FAF1: variants seen among roughly 807,000 people sequenced by gnomAD.
The protein encoded by FAF1 is FAS-associated factor 1.
A neutral mutation model predicts 92.5 loss-of-function variants in FAF1; 25 were observed. The ratio of observed to expected loss-of-function variants is 0.27; its 90% CI spans 0.20 to 0.38. The LOEUF is 0.38. Among genes scored for constraint, FAF1 ranks in the 10% least tolerant of loss-of-function variants. The pLI, the probability that FAF1 is intolerant of heterozygous loss-of-function variation, is 1.00. For synonymous variants in FAF1, 234 were observed against 273.2 expected, an observed-to-expected ratio of 0.86 and a Z score of 1.42; for missense variants, 636 against 793.3, an observed-to-expected ratio of 0.80 and a Z score of 2.38.
At chr1:50,689,446 T>C (rs1204635992) in intron 7 of FAF1, among the ~76,000 whole-genome samples, 1 of 152,122 alleles carries the variant, frequency 6.6e-6, no homozygotes, top group Non-Finnish European at 1.5e-5. Flanking sequence ...TGGCCAGGCA[T>C]GGTGGCAGGC....
intron 2 of FAF1, among the ~76,000 whole-genome samples, chr1:50,828,730 A>G (rs986004144): frequency 1.3e-5 from 2 of 152,230 alleles, no homozygotes; most frequent in Non-Finnish European, 2.9e-5. Context: ...GCAGGAAAAC[A>G]TCTTCATGAG....
intron 7 of FAF1, among the ~76,000 whole-genome samples, chr1:50,660,423 G>T (rs530585673): frequency 6.6e-6 from 1 of 151,802 alleles, no homozygotes; most frequent in African/African-American, 2.4e-5. Context: ...TATTATTCTC[G>T]TGAAAGCAAA....
intron 13 of FAF1, among the ~76,000 whole-genome samples, chr1:50,566,428 A>G (rs546817982): frequency 4.5e-4 from 69 of 152,264 alleles, no homozygotes; most frequent in Middle Eastern, 6.8e-3. Flanking sequence ...TGTGTAATTA[A>G]ACATGATGAA....
At chr1:50,859,981 T>C (rs1428420725) in intron 1 of FAF1, among the ~76,000 whole-genome samples, 1 of 151,674 alleles carries the variant, frequency 6.6e-6, no homozygotes, top group Non-Finnish European at 1.5e-5. Context: ...CAACAAAGCC[T>C]ACAAAAATAA....
chr1:50,511,519 T>TA (rs1169676554), intron 15 of FAF1, among the ~76,000 whole-genome samples: 5 of 152,108 alleles, frequency 3.3e-5, no homozygotes, highest in Admixed American at 3.3e-4. Context: ...GTTCCTCTGT[T>TA]AGTTTGCTGA....
At chr1:50,654,899 A>G (rs1655034179) in intron 8 of FAF1, among the ~76,000 whole-genome samples, 3 of 151,984 alleles carry the variant, frequency 2.0e-5, no homozygotes, top group Non-Finnish European at 4.4e-5. Flanking sequence ...TTGGCTTGTG[A>G]TATCTGTTCT....
At chr1:50,887,668 G>C (rs2124696366) in intron 1 of FAF1, among the ~76,000 whole-genome samples, 1 of 152,230 alleles carries the variant, frequency 6.6e-6, no homozygotes, top group African/African-American at 2.4e-5. Flanking sequence ...TATCAGGTTT[G>C]TCAAAGATCA....
At chr1:50,795,592 TCAGTGTCCAAAACACCAC>T (rs1397931529) in intron 3 of FAF1, among the ~76,000 whole-genome samples, 2 of 152,182 alleles carry the variant, frequency 1.3e-5, no homozygotes, top group Non-Finnish European at 2.9e-5. Context: ...ATGCTTTATA[TCAGTGTCCAAAACACCAC>T]ACTATTTTTC....
intron 9 of FAF1, among the ~76,000 whole-genome samples, chr1:50,588,781 T>C (rs147503908): frequency 3.5e-4 from 54 of 152,336 alleles, no homozygotes; most frequent in African/African-American, 1.1e-3. Context: ...CAAAGGGCCA[T>C]GGCTAGCAAC....
At chr1:50,727,519 T>C (rs1162264004) in intron 6 of FAF1, among the ~76,000 whole-genome samples, 1 of 152,154 alleles carries the variant, frequency 6.6e-6, no homozygotes, top group Non-Finnish European at 1.5e-5. Flanking sequence ...TTTTAGGTGG[T>C]AGGGATACAA....
rs563259409 is a variant in FAF1 at position 50,918,191 on chromosome 1, A to AT, written c.45+41575dup. Among the ~76,000 whole-genome samples the AT allele has an allele frequency of 1.9e-3, 252 of 134,416 alleles. No individual in the cohort carries two copies. The East Asian group carries it at 0.029, about 15-fold the overall frequency. The allele number at this position is 134,416 out of a possible 152,430, so 88.2% of individuals were successfully genotyped here. A position where few individuals can be genotyped will look rare whatever the true frequency, so the allele number is the denominator to read the frequency against. On this transcript the variant is annotated intron_variant, in intron 1 of 18. Transcript: ENST00000396153. ...GTAAATTTCTTTTTTTTTTTTTTTAATTTTTTTTTTTTAATTATACTCTAA... is the reference window on the plus strand; with the variant it reads ...GTAAATTTCTTTTTTTTTTTTTTTAATTTTTTTTTTTTTAATTATACTCTAA...
intron 13 of FAF1, among the ~76,000 whole-genome samples, chr1:50,549,603 C>T (rs1372657535): frequency 2.0e-5 from 3 of 151,882 alleles, no homozygotes; most frequent in Admixed American, 6.6e-5. Context: ...GGTGAAACCC[C>T]GTCTCTACTG....
At chr1:50,528,472 T>C (rs1284027229) in intron 15 of FAF1, among the ~76,000 whole-genome samples, 1 of 152,198 alleles carries the variant, frequency 6.6e-6, no homozygotes, top group East Asian at 1.9e-4. Flanking sequence ...TAAGAAACAC[T>C]GACACTAGGG....
At chr1:50,748,341 CA>C (rs1659712346) in intron 4 of FAF1, among the ~76,000 whole-genome samples, 1 of 150,216 alleles carries the variant, frequency 6.7e-6, no homozygotes, top group Non-Finnish European at 1.5e-5. Context: ...ACTAAAAATA[CA>C]AAAAATTAGC....
At chr1:50,856,431 T>A (rs1570058436) in intron 2 of FAF1, among the ~76,000 whole-genome samples, 1 of 151,850 alleles carries the variant, frequency 6.6e-6, no homozygotes, top group East Asian at 1.9e-4. Flanking sequence ...AGCTGTCACC[T>A]ATATCATGCT....
rs1364447973 is a variant in FAF1, at chr1:50,729,054, A to ATTT, written c.551+9808_551+9809insAAA. 1.3e-3 allele frequency among the ~76,000 whole-genome samples: 130 copies of ATTT among 97,778 alleles called. 2 individuals carry two copies. The highest frequency in any genetic ancestry group is 4.9e-3 in the South Asian group (13 of 2,654). 64.1% of individuals were successfully genotyped at this position (97,778 alleles called of 152,430 possible). A position where few individuals can be genotyped will look rare whatever the true frequency, so the allele number is the denominator to read the frequency against. ...TCTATCTATATATATATATATATAT[A>ATTT]TATATTTTTTTTTTTTTTGAGGCAG... On this transcript the variant is annotated intron_variant, in intron 6 of 18. Coordinates refer to ENST00000396153, the MANE Select transcript of FAF1 (RefSeq NM_007051.3).
intron 2 of FAF1, among the ~76,000 whole-genome samples, chr1:50,844,896 A>T (rs927869353): frequency 6.6e-6 from 1 of 152,166 alleles, no homozygotes; most frequent in Non-Finnish European, 1.5e-5. Context: ...GGAAGAAAAG[A>T]TTTTAAGTAC....
At chr1:50,592,734 G>C (rs1651581103) in intron 9 of FAF1, among the ~76,000 whole-genome samples, 1 of 152,142 alleles carries the variant, frequency 6.6e-6, no homozygotes, top group African/African-American at 2.4e-5. Flanking sequence ...GATCACTTGA[G>C]GTAAGGAGCT....
At chr1:50,881,908 T>C (rs367883457) in intron 1 of FAF1, among the ~76,000 whole-genome samples, 21 of 152,300 alleles carry the variant, frequency 1.4e-4, no homozygotes, top group Middle Eastern at 3.4e-3. Flanking sequence ...AGGTAAAGCA[T>C]AAATTTTTCA....
Sources: gnomAD v4.1 joint callset for allele counts (sites outside exome capture counted in the v4.1 genomes callset) on GRCh38, gnomAD v4.1.1 for gene constraint, MANE v1.5 for transcripts, NCBI Gene and HGNC (gene_info 2026-07-23, HGNC 2026-07-21) for gene names.